The following RBFOX1 variants were observed in gnomAD, a reference collection of about 807,000 sequenced individuals.
RBFOX1 encodes RNA binding protein fox-1 homolog 1.
A neutral mutation model predicts 57.7 loss-of-function variants in RBFOX1; 8 were observed. The ratio of observed to expected loss-of-function variants is 0.14; its 90% CI spans 0.08 to 0.25. The LOEUF (loss-of-function observed/expected upper bound fraction) is 0.25, where lower values mean the gene tolerates loss of function less well. Among genes scored for constraint, RBFOX1 ranks in the 10% least tolerant of loss-of-function variants. The pLI is 1.00. For synonymous variants in RBFOX1, 326 were observed against 222.4 expected (o/e 1.47, Z -4.15); for missense variants, 611 against 548.5 (o/e 1.11, Z -1.14).
intron 3 of RBFOX1, among the ~76,000 whole-genome samples, chr16:7,000,594 T>A (rs56373746): frequency 0.011 from 999 of 91,364 alleles, 24 homozygotes; most frequent in African/African-American, 0.036. Flanking sequence ...TTCTTTTTCT[T>A]TCTTTTTTTT....
chr16:7,482,041 C>A (rs1192859743), intron 4 of RBFOX1, among the ~76,000 whole-genome samples: 1 of 152,228 alleles, frequency 6.6e-6, no homozygotes, highest in African/African-American at 2.4e-5. Context: ...TCGGGGCGAT[C>A]TGTATTGCCT....
intron 6 of RBFOX1, among the ~76,000 whole-genome samples, chr16:7,582,126 C>G (rs2093819841): frequency 6.6e-6 from 1 of 151,060 alleles, no homozygotes; most frequent in African/African-American, 2.4e-5. Context: ...CTCCTGGGTT[C>G]AAGCGATTCT....
intron 4 of RBFOX1, among the ~76,000 whole-genome samples, chr16:7,234,805 C>T (rs1231610079): frequency 6.6e-6 from 1 of 151,774 alleles, no homozygotes; most frequent in African/African-American, 2.4e-5. Context: ...TTTCAATTTC[C>T]AAAAATATGC....
At chr16:5,538,155 A>G (rs1453886585) in intron 2 of RBFOX1, among the ~76,000 whole-genome samples, 1 of 152,214 alleles carries the variant, frequency 6.6e-6, no homozygotes, top group Non-Finnish European at 1.5e-5. Context: ...AAGGTCTGTA[A>G]TCTAGGGGGA....
At chr16:7,398,352 A>T (rs942726730) in intron 4 of RBFOX1, among the ~76,000 whole-genome samples, 1 of 152,230 alleles carries the variant, frequency 6.6e-6, no homozygotes, top group Non-Finnish European at 1.5e-5. Flanking sequence ...GGGACAGAGA[A>T]CTATCTCAGT....
chr16:7,419,562 A>C lies in RBFOX1; in HGVS notation c.28-98585A>C, dbSNP rs548647590. On this transcript the variant is annotated intron_variant, in intron 4 of 15. Coordinates refer to ENST00000550418, the MANE Select transcript of RBFOX1 (RefSeq NM_018723.4). ...TGATTACCATGGCAAATGTTGCGGC[A>C]TATGCAAGCTTGGACCTCCTGCCTA... 4.6e-5 allele frequency among the ~76,000 whole-genome samples: 7 copies of C among 152,338 alleles called. No individual in the cohort carries two copies. The East Asian group carries it at 1.4e-3, about 29-fold the overall frequency.
intron 12 of RBFOX1, among the ~76,000 whole-genome samples, chr16:7,662,679 C>T (rs929929994): frequency 2.6e-5 from 4 of 152,120 alleles, no homozygotes; most frequent in Non-Finnish European, 5.9e-5. Flanking sequence ...AAAAATGATG[C>T]TGGTGTTCAT....
rs1267272270 is a variant in RBFOX1, at chr16:6,780,007, TTATA to T, written c.-16+125363_-16+125366del. Among the ~76,000 whole-genome samples, 2 of 22,310 alleles carry T rather than the reference TTATA, an allele frequency of 9.0e-5. 1 individual carries two copies. Among genetic ancestry groups the T allele is most frequent in the African/African-American group, 4.1e-4 (2 of 4,892 alleles). The allele number at this position is 22,310 out of a possible 152,430, so 14.6% of individuals were successfully genotyped here. A position where few individuals can be genotyped will look rare whatever the true frequency, so the allele number is the denominator to read the frequency against. Reference sequence around the variant, plus strand: ...TATATATTTATATATTTATATATATTTATATATATTTATATATTTATATATATTT... The same window carrying T: ...TATATATTTATATATTTATATATATTTATATTTATATATTTATATATATTT... On this transcript the variant is annotated intron_variant, in intron 3 of 15. Transcript: ENST00000550418.
Position 5,960,061 on chromosome 16 carries a change from C to G in RBFOX1, c.351+92726C>G, listed in dbSNP as rs867983738. 6.4e-4 allele frequency among the ~76,000 whole-genome samples: 97 copies of G among 152,026 alleles called. 2 individuals carry two copies. Among genetic ancestry groups the G allele is most frequent in the Middle Eastern group, 3.2e-3 (1 of 316 alleles). On this transcript the variant is annotated intron_variant, in intron 4 of 19. Transcript: ENST00000641259. ...ACTATAAATAAAAAAATTAGCCGGGCATGGTGACATGTGCCTGTAATCCCA... is the reference window on the plus strand; with the variant it reads ...ACTATAAATAAAAAAATTAGCCGGGGATGGTGACATGTGCCTGTAATCCCA...
chr16:7,279,714 G>A (rs1451369079), intron 4 of RBFOX1, among the ~76,000 whole-genome samples: 4 of 152,234 alleles, frequency 2.6e-5, no homozygotes, highest in Admixed American at 6.5e-5. Flanking sequence ...AATGGGCGAC[G>A]TAAGCTCGCC....
intron 3 of RBFOX1, among the ~76,000 whole-genome samples, chr16:5,856,349 AT>A (rs2057056986): frequency 2.2e-5 from 3 of 136,642 alleles, no homozygotes; most frequent in Admixed American, 7.7e-5. Context: ...ATATATATAT[AT>A]ATAATGTTAT....
intron 2 of RBFOX1, among the ~76,000 whole-genome samples, chr16:6,589,764 ATAAAC>A (rs2097684763): frequency 6.6e-6 from 1 of 152,260 alleles, no homozygotes; most frequent in Non-Finnish European, 1.5e-5. Context: ...AAATTAAACT[ATAAAC>A]TAGGTTATTT....
intron 1 of RBFOX1, among the ~76,000 whole-genome samples, chr16:6,154,814 A>G (rs1050383020): frequency 6.6e-6 from 1 of 152,232 alleles, no homozygotes; most frequent in African/African-American, 2.4e-5. Context: ...TGTTAATTTG[A>G]AAATAGCCTG....
intron 3 of RBFOX1, among the ~76,000 whole-genome samples, chr16:7,011,647 G>A (rs1024882260): frequency 2.6e-5 from 4 of 152,098 alleles, no homozygotes; most frequent in African/African-American, 7.2e-5. Flanking sequence ...CAAAGTACCT[G>A]GGACTACAGG....
chr16:5,428,105 G>GGTGTGTGT (rs1169073538), intron 1 of RBFOX1, among the ~76,000 whole-genome samples: 5 of 138,086 alleles, frequency 3.6e-5, no homozygotes, highest in African/African-American at 1.3e-4. Flanking sequence ...GCTCTGGAAG[G>GGTGTGTGT]GTGTGTGTGT....
chr16:6,063,916 C>G (rs1313134913), intron 1 of RBFOX1, among the ~76,000 whole-genome samples: 1 of 152,116 alleles, frequency 6.6e-6, no homozygotes, highest in Non-Finnish European at 1.5e-5. Flanking sequence ...AATTTATTAC[C>G]TTTTATTTCT....
At chr16:6,007,097 A>G (rs188493841) in intron 4 of RBFOX1, among the ~76,000 whole-genome samples, 139 of 152,288 alleles carry the variant, frequency 9.1e-4, no homozygotes, top group Middle Eastern at 6.8e-3. Context: ...GGGAATGAGG[A>G]TATGACAGTC....
At chr16:6,965,377 C>G (rs971752711) in intron 3 of RBFOX1, among the ~76,000 whole-genome samples, 8 of 150,378 alleles carry the variant, frequency 5.3e-5, no homozygotes, top group South Asian at 2.1e-4. Flanking sequence ...GAGTCTTGGT[C>G]TGTTTCCCAG....
chr16:6,554,390 G>A (rs991350837), intron 2 of RBFOX1, among the ~76,000 whole-genome samples: 5 of 152,160 alleles, frequency 3.3e-5, no homozygotes, highest in Non-Finnish European at 7.3e-5. Context: ...GGGATGGAGC[G>A]TGGACTGCAA....
Sources: allele counts gnomAD v4.1 joint callset (sites outside exome capture counted in the v4.1 genomes callset), GRCh38; gene constraint gnomAD v4.1.1; transcripts MANE v1.5; gene names NCBI Gene and HGNC (gene_info 2026-07-23, HGNC 2026-07-21).